UBE2V1: variants seen among roughly 807,000 people sequenced by gnomAD.
UBE2V1 encodes the protein ubiquitin conjugating enzyme E2 V1.
A neutral mutation model predicts 19.6 loss-of-function variants in UBE2V1; 15 were observed. The observed-to-expected ratio is 0.77, with a 90% confidence interval of 0.51 to 1.18. The LOEUF (loss-of-function observed/expected upper bound fraction) is 1.18. Ranked by LOEUF, UBE2V1 falls within the 50% of genes most tolerant of loss-of-function variation. The probability of loss-of-function intolerance (pLI) is 0.00; values close to 1 mark genes in which losing one functional copy is unlikely to be tolerated. For synonymous variants in UBE2V1, 60 were observed against 60.7 expected (o/e 0.99, Z 0.05); for missense variants, 125 against 184.8 (o/e 0.68, Z 1.88).
upstream of UBE2V1, chr20:50,115,167 T>C: frequency 4.0e-6 from 1 of 251,742 alleles, no homozygotes; most frequent in East Asian, 7.8e-5. Flanking sequence ...GCGGCGACAC[T>C]GGCCCTTTGC....
rs1478876075 is a variant in UBE2V1 at position 50,094,009 on chromosome 20, A to T, written c.171+2663T>A. Reference sequence around the variant, plus strand: ...ACTCAAAAAAAAAAAAAAAAAAAAAAAAATAATAATAATAATAATAATAAA... The same window carrying T: ...ACTCAAAAAAAAAAAAAAAAAAAAATAAATAATAATAATAATAATAATAAA... On this transcript the variant is annotated intron_variant, in intron 2 of 3. Transcript: ENST00000371674. 4.2e-4 allele frequency among the ~76,000 whole-genome samples: 53 copies of T among 125,472 alleles called. No homozygotes were observed. In the East Asian group the frequency reaches 7.2e-3, roughly 17 times the overall value. 82.3% of individuals were successfully genotyped at this position (125,472 alleles called of 152,430 possible). A position where few individuals can be genotyped will look rare whatever the true frequency, so the allele number is the denominator to read the frequency against.
chr20:50,098,871 T>C, intron 1 of UBE2V1: 4 of 969,246 alleles, frequency 4.1e-6, no homozygotes, highest in South Asian at 4.8e-5. Flanking sequence ...CAGCAAAACC[T>C]GCAAGCATAC....
chr20:50,093,264 G>A (rs183907068), intron 2 of UBE2V1, among the ~76,000 whole-genome samples: 2 of 152,348 alleles, frequency 1.3e-5, no homozygotes, highest in East Asian at 3.9e-4. Context: ...GGATCACATG[G>A]TATAGACCTT....
In UBE2V1 at chr20:50,090,841, G is replaced by A. The variant is rs188005009; in HGVS notation, c.171+5831C>T. The stretch of plus-strand genomic sequence containing the variant: ...GGTAGCTACACGTGGTGATGGATGC[G>A]TTGATTAATTTGGTTGTGGTAATCA... On this transcript the variant is annotated intron_variant, in intron 2 of 3. Coordinates refer to ENST00000371674, the MANE Select transcript of UBE2V1 (RefSeq NM_001032288.3). 1.4e-3 allele frequency among the ~76,000 whole-genome samples: 216 copies of A among 152,256 alleles called. 1 individual carries two copies. The highest frequency in any genetic ancestry group is 5.0e-3 in the African/African-American group (206 of 41,544).
rs560613710 is a variant in UBE2V1 at position 50,113,132 on chromosome 20, G to C, written c.-4C>G. Reference sequence around the variant, plus strand: ...CCGAGCCCGTGGTGGCTGCCATCTTGCGTCGCTCTTGCTTGAAGGCCGGCC... The same window carrying C: ...CCGAGCCCGTGGTGGCTGCCATCTTCCGTCGCTCTTGCTTGAAGGCCGGCC... On this transcript the variant is annotated 5_prime_UTR_variant, in exon 1 of 4. Coordinates refer to ENST00000371674, the MANE Select transcript of UBE2V1 (RefSeq NM_001032288.3). 4.7e-5 allele frequency: 65 copies of C among 1,374,198 alleles called. No homozygotes were observed. The South Asian group carries it at 1.0e-3, about 21-fold the overall frequency. 85.1% of individuals were successfully genotyped at this position (1,374,198 alleles called of 1,614,324 possible). A position where few individuals can be genotyped will look rare whatever the true frequency, so the allele number is the denominator to read the frequency against.
chr20:50,089,197 A>G (rs1470302262), intron 2 of UBE2V1, among the ~76,000 whole-genome samples: 2 of 152,100 alleles, frequency 1.3e-5, no homozygotes, highest in East Asian at 3.8e-4. Flanking sequence ...GGAGGGGGGG[A>G]TAAGCTGGAG....
In UBE2V1 at chr20:50,081,213, T is replaced by C. The variant is rs1253044829; in HGVS notation, c.*1555A>G. On this transcript the variant is annotated 3_prime_UTR_variant, in exon 4 of 4. Coordinates refer to ENST00000371674, the MANE Select transcript of UBE2V1 (RefSeq NM_001032288.3). The stretch of plus-strand genomic sequence containing the variant: ...GGCTGCTTATGGAATACTGTTATGT[T>C]AAACTTCACTTACAGGATGTTAAAT... The C allele has an allele frequency of 6.6e-6, 1 of 152,246 alleles. No individual in the cohort carries two copies. Among genetic ancestry groups the C allele is most frequent in the Admixed American group, 6.5e-5 (1 of 15,274 alleles). 9.4% of individuals were successfully genotyped at this position (152,246 alleles called of 1,614,324 possible).
At chr20:50,094,435 C>T (rs1274632957) in intron 2 of UBE2V1, among the ~76,000 whole-genome samples, 1 of 150,900 alleles carries the variant, frequency 6.6e-6, no homozygotes, top group African/African-American at 2.4e-5. Context: ...TATAAATGTT[C>T]CTAGAAGCAT....
intron 1 of UBE2V1, among the ~76,000 whole-genome samples, chr20:50,103,107 C>T (rs750432404): frequency 6.6e-6 from 1 of 152,166 alleles, no homozygotes; most frequent in Non-Finnish European, 1.5e-5. Flanking sequence ...TTGTCTGTCT[C>T]CCATCTGAAC....
At chr20:50,094,010 A>AAAAT (rs2079416552) in intron 2 of UBE2V1, among the ~76,000 whole-genome samples, 14 of 94,708 alleles carry the variant, frequency 1.5e-4, no homozygotes, top group African/African-American at 3.2e-4. Context: ...AAAAAAAAAA[A>AAAAT]AATAATAATA....
chr20:50,115,929 G>C (rs1384518905), upstream of UBE2V1: 1 of 171,802 alleles, frequency 5.8e-6, no homozygotes, highest in Admixed American at 6.3e-5. Context: ...TTCCCGTGCC[G>C]AGCTCATCGC....
chr20:50,112,414 T>C (rs2080815463), intron 1 of UBE2V1, among the ~76,000 whole-genome samples: 1 of 152,190 alleles, frequency 6.6e-6, no homozygotes, highest in South Asian at 2.1e-4. Context: ...GTCATTTCAC[T>C]ATCACCGCTA....
At chr20:50,090,354 A>G (rs1157660346) in intron 2 of UBE2V1, among the ~76,000 whole-genome samples, 1 of 152,148 alleles carries the variant, frequency 6.6e-6, no homozygotes, top group Non-Finnish European at 1.5e-5. Context: ...AATATTATTC[A>G]GCCATAAATA....
intron 2 of UBE2V1, among the ~76,000 whole-genome samples, chr20:50,091,548 G>A (rs1321884992): frequency 2.0e-5 from 3 of 150,630 alleles, no homozygotes; most frequent in East Asian, 4.0e-4. Context: ...CTGCCACCGC[G>A]CCCAGCTAAT....
At chr20:50,100,277 T>G (rs1172036850) in intron 1 of UBE2V1, among the ~76,000 whole-genome samples, 2 of 131,200 alleles carry the variant, frequency 1.5e-5, no homozygotes, top group East Asian at 4.2e-4. Flanking sequence ...CAAGAACCTG[T>G]CTCTATTTAA....
At chr20:50,109,007 G>C (rs2080570379) in intron 1 of UBE2V1, 1 of 985,420 alleles carries the variant, frequency 1.0e-6, no homozygotes, top group Non-Finnish European at 1.2e-6. Context: ...GAGGGAACAG[G>C]AGTTAAAAAT....
At chr20:50,098,443 C>A (rs2079775555) in intron 1 of UBE2V1, among the ~76,000 whole-genome samples, 1 of 152,176 alleles carries the variant, frequency 6.6e-6, no homozygotes, top group African/African-American at 2.4e-5. Flanking sequence ...AGCTAGGAGG[C>A]TACTGCAATA....
At chr20:50,102,851 C>T (rs1193384213) in intron 1 of UBE2V1, among the ~76,000 whole-genome samples, 1 of 152,204 alleles carries the variant, frequency 6.6e-6, no homozygotes, top group Non-Finnish European at 1.5e-5. Context: ...CTTGCTCCCC[C>T]ATCCTCCTCC....
At chr20:50,109,039 T>C (rs548569967) in intron 1 of UBE2V1, 1 of 985,438 alleles carries the variant, frequency 1.0e-6, no homozygotes, top group South Asian at 4.7e-5. Context: ...AGTCCGAGCA[T>C]CACCAGTCTC....
Sources: allele counts gnomAD v4.1 joint callset (sites outside exome capture counted in the v4.1 genomes callset), GRCh38; gene constraint gnomAD v4.1.1; transcripts MANE v1.5; gene names NCBI Gene and HGNC (gene_info 2026-07-23, HGNC 2026-07-21).